The following SNX31 variants were observed in gnomAD, a reference collection of about 807,000 sequenced individuals.
SNX31 encodes sorting nexin 31, also known as sorting nexin-31.
Under a neutral mutation model 65.4 loss-of-function variants are expected in SNX31, and 58 were observed. The observed-to-expected ratio is 0.89, with a 90% CI of 0.72 to 1.10. The LOEUF (loss-of-function observed/expected upper bound fraction) is 1.10. SNX31 is among the 50% of genes least tolerant of loss of function. The pLI is 0.00. For synonymous variants in SNX31, 181 were observed against 190.1 expected (o/e 0.95, Z 0.39); for missense variants, 523 against 529.7 (o/e 0.99, Z 0.12).
chr8:100,661,037 T>A (rs1693591), intron 1 of SNX31, among the ~76,000 whole-genome samples: 1 of 148,968 alleles, frequency 6.7e-6, no homozygotes, highest in Non-Finnish European at 1.5e-5. Flanking sequence ...ACAGGGTCTC[T>A]CTCTGTCGCC....
chr8:100,602,019 G>A (rs1045605247), intron 8 of SNX31, among the ~76,000 whole-genome samples: 6 of 152,166 alleles, frequency 3.9e-5, no homozygotes, highest in East Asian at 3.8e-4. Context: ...ACACACACTC[G>A]GCCTGTGCTG....
In SNX31 at chr8:100,641,644, ATATATATATATATATG is replaced by A. The variant is rs1453699486; in HGVS notation, c.142-5649_142-5634del. ...CACGCGCATATATATATATATATAT[ATATATATATATATATG>A]TATGGTACTTGCCTGTAGCCATTTA... On this transcript the variant is annotated intron_variant, in intron 2 of 13. Coordinates refer to ENST00000311812, the MANE Select transcript of SNX31 (RefSeq NM_152628.4). Among the ~76,000 whole-genome samples the A allele has an allele frequency of 2.1e-3, 94 of 45,632 alleles. 2 individuals carry two copies. The highest frequency in any genetic ancestry group is 9.3e-3 in the African/African-American group (82 of 8,832). 29.9% of individuals were successfully genotyped at this position (45,632 alleles called of 152,430 possible).
chr8:100,614,305 G>A lies in SNX31; in HGVS notation c.433-1220C>T, dbSNP rs1479146512. Among the ~76,000 whole-genome samples, 1 of 152,134 alleles carries A rather than the reference G, an allele frequency of 6.6e-6. No individual in the cohort carries two copies. The highest frequency in any genetic ancestry group is 1.5e-5 in the Non-Finnish European group (1 of 68,028). On this transcript the variant is annotated intron_variant, in intron 5 of 13. Coordinates refer to ENST00000311812, the MANE Select transcript of SNX31 (RefSeq NM_152628.4). This position sits in a 1 kb window ranked among gnomAD's most constrained non-coding sequence, Gnocchi z 5.1. ...GTAAACCTGACCCAGGTCCACTCAA[G>A]TTAGATTTCCTTCTTTTCTGTCTAA...
intron 1 of SNX31, among the ~76,000 whole-genome samples, chr8:100,656,640 C>CA (rs34052612): frequency 0.15 from 6,651 of 44,544 alleles, 1,470 homozygotes; most frequent in Non-Finnish European, 0.2. Context: ...GACTCTGTCT[C>CA]AAAAAAAAAA....
At chr8:100,618,582 G>T in intron 4 of SNX31, 1 of 541,920 alleles carries the variant, frequency 1.8e-6, no homozygotes, top group Non-Finnish European at 3.2e-6. Context: ...CAAATATGGG[G>T]CCCAAGTTAC....
chr8:100,650,859 T>G (rs1478532777), upstream of SNX31, among the ~76,000 whole-genome samples: 1 of 149,510 alleles, frequency 6.7e-6, no homozygotes, highest in Non-Finnish European at 1.5e-5. Context: ...TGTTTTTTTT[T>G]TTTTTGTTTT....
intron 2 of SNX31, among the ~76,000 whole-genome samples, chr8:100,636,646 C>T (rs1818792424): frequency 6.6e-6 from 1 of 151,758 alleles, no homozygotes; most frequent in Non-Finnish European, 1.5e-5. Flanking sequence ...AAATTAATTC[C>T]ATCTGTTTCC....
intron 4 of SNX31, among the ~76,000 whole-genome samples, chr8:100,627,335 A>G (rs1470996710): frequency 6.6e-6 from 1 of 152,156 alleles, no homozygotes; most frequent in African/African-American, 2.4e-5. Flanking sequence ...CTGGGCAACA[A>G]GAGCAAAACT....
intron 9 of SNX31, 22 bp from the exon 10 acceptor site, chr8:100,596,864 G>C (rs773369931): frequency 1.6e-5 from 25 of 1,608,772 alleles, no homozygotes; most frequent in South Asian, 1.3e-4. Flanking sequence ...AGGGTGATGT[G>C]GGGGGAGGGG....
chr8:100,641,610 A>ACT (rs1313006953), intron 2 of SNX31, among the ~76,000 whole-genome samples: 1,195 of 55,840 alleles, frequency 0.021, 36 homozygotes, highest in Non-Finnish European at 0.03. Flanking sequence ...ATACACACAC[A>ACT]CACGCACACA....
Position 100,613,658 on chromosome 8 carries a change from C to T in SNX31, c.433-573G>A, listed in dbSNP as rs1586951841. 1.3e-5 allele frequency among the ~76,000 whole-genome samples: 2 copies of T among 152,186 alleles called. No homozygotes were observed. Among genetic ancestry groups the T allele is most frequent in the South Asian group, 2.1e-4 (1 of 4,830 alleles). On this transcript the variant is annotated intron_variant, in intron 5 of 13. Transcript: ENST00000311812. This position sits in a 1 kb window ranked among gnomAD's most constrained non-coding sequence, Gnocchi z 5.2. ...TTTGCAAAATGAAAACCTCAGATGC[C>T]AGGCACAGGTTGCCTTCCTTCACAT...
chr8:100,596,562 T>C, intron 10 of SNX31, 77 bp downstream of exon 10: 1 of 1,218,050 alleles, frequency 8.2e-7, no homozygotes, highest in South Asian at 1.3e-5. Flanking sequence ...CAAACCTGTC[T>C]CCCTAGTGTC....
In SNX31 at chr8:100,625,512, A is replaced by G. The variant is rs1817987260; in HGVS notation, c.321+4815T>C. On this transcript the variant is annotated intron_variant, in intron 4 of 13. Transcript: ENST00000311812. This position sits in a 1 kb window ranked among gnomAD's most constrained non-coding sequence, Gnocchi z 4.2. Reference sequence around the variant, plus strand: ...AAATTCAACTCAATTCAACTCAAAAAGAGCACATATTTTGAAAAGTGTTAA... The same window carrying G: ...AAATTCAACTCAATTCAACTCAAAAGGAGCACATATTTTGAAAAGTGTTAA... Among the ~76,000 whole-genome samples, 1 of 152,226 alleles carries G rather than the reference A, an allele frequency of 6.6e-6. No individual in the cohort carries two copies. The highest frequency in any genetic ancestry group is 1.5e-5 in the Non-Finnish European group (1 of 68,046).
chr8:100,623,964 T>A (rs909681290), intron 4 of SNX31, among the ~76,000 whole-genome samples: 1 of 151,940 alleles, frequency 6.6e-6, no homozygotes, highest in African/African-American at 2.4e-5. Context: ...CTAAGCATTT[T>A]TTTTTCTGTT....
Position 100,649,619 on chromosome 8 carries a change from G to C in SNX31, c.-105C>G. On this transcript the variant is annotated 5_prime_UTR_variant, in exon 1 of 14. Transcript: ENST00000311812. ...GTGGACGCAGCGCGGCCTGCCACGCGACTCAGAGCGAACCCCGGCGCCCGC... is the reference window on the plus strand; with the variant it reads ...GTGGACGCAGCGCGGCCTGCCACGCCACTCAGAGCGAACCCCGGCGCCCGC... 1 of 1,137,400 alleles carries C rather than the reference G, an allele frequency of 8.8e-7. No individual in the cohort carries two copies. The highest frequency in any genetic ancestry group is 1.6e-5 in the African/African-American group (1 of 63,358). The allele number at this position is 1,137,400 out of a possible 1,614,324, so 70.5% of individuals were successfully genotyped here. A position where few individuals can be genotyped will look rare whatever the true frequency, so the allele number is the denominator to read the frequency against.
At chr8:100,628,546 C>T (rs1337785155) in intron 4 of SNX31, among the ~76,000 whole-genome samples, 1 of 146,114 alleles carries the variant, frequency 6.8e-6, no homozygotes, top group Non-Finnish European at 1.5e-5. Context: ...ACAATGAGAA[C>T]ACATGGACAC....
chr8:100,631,518 A>G (rs1214774979), intron 3 of SNX31, among the ~76,000 whole-genome samples: 3 of 146,970 alleles, frequency 2.0e-5, no homozygotes, highest in Non-Finnish European at 3.0e-5. Flanking sequence ...CCTCACTGCA[A>G]CCTCCACCTC....
At position 100,622,054 on chromosome 8, in the gene SNX31, T is replaced by G. The variant is rs1817735282; in HGVS notation, c.322-4324A>C. 1.3e-5 allele frequency among the ~76,000 whole-genome samples: 2 copies of G among 152,218 alleles called. No homozygotes were observed. Among genetic ancestry groups the G allele is most frequent in the Admixed American group, 6.5e-5 (1 of 15,278 alleles). On this transcript the variant is annotated intron_variant, in intron 4 of 13. Coordinates refer to ENST00000311812, the MANE Select transcript of SNX31 (RefSeq NM_152628.4). The surrounding 1 kb of genome is among the most constrained non-coding windows in gnomAD (Gnocchi z 5.0). ...ACAACTTTTTAGTTAAATAAACAAA[T>G]TTCTGTTTTGTGATTTTGGCCTTGA...
In SNX31 at chr8:100,588,800, T is replaced by C; in HGVS notation, c.1092+66A>G. ...AGTTGGGTTAGGGTCATGTGCTTCA[T>C]CCACCCCAGCAAGCAAGACAGCATT... On this transcript the variant is annotated intron_variant, in intron 11 of 13. Coordinates refer to ENST00000311812, the MANE Select transcript of SNX31 (RefSeq NM_152628.4). The surrounding 1 kb of genome is among the most constrained non-coding windows in gnomAD (Gnocchi z 4.8). 1.6e-6 allele frequency: 2 copies of C among 1,231,482 alleles called. No homozygotes were observed. Among genetic ancestry groups the C allele is most frequent in the Non-Finnish European group, 2.4e-6 (2 of 840,198 alleles). The allele number at this position is 1,231,482 out of a possible 1,614,324, so 76.3% of individuals were successfully genotyped here. A position where few individuals can be genotyped will look rare whatever the true frequency, so the allele number is the denominator to read the frequency against.
Sources: gnomAD v4.1 joint callset for allele counts (sites outside exome capture counted in the v4.1 genomes callset) on GRCh38, gnomAD v4.1.1 for gene constraint, Gnocchi (gnomAD v3.1) non-coding constraint, MANE v1.5 for transcripts, NCBI Gene and HGNC (gene_info 2026-07-23, HGNC 2026-07-21) for gene names.